The following CTNNA3 variants were observed in gnomAD, a reference collection of about 807,000 sequenced individuals.
The protein encoded by CTNNA3 is catenin alpha 3.
CTNNA3 carries 76 observed loss-of-function variants against 95.7 expected under a neutral mutation model. The observed-to-expected ratio is 0.79, with a 90% CI of 0.66 to 0.96. CTNNA3 has a LOEUF of 0.96. CTNNA3 is among the 40% of genes least tolerant of loss of function. The probability of loss-of-function intolerance (pLI) is 0.00; values close to 1 mark genes in which losing one functional copy is unlikely to be tolerated. For synonymous variants in CTNNA3, 431 were observed against 374.4 expected, an observed-to-expected ratio of 1.15 and a Z score of -1.74; for missense variants, 1,191 against 1,089.8, an observed-to-expected ratio of 1.09 and a Z score of -1.31.
chr10:67,250,131 C>T (rs1866049604), intron 5 of CTNNA3, among the ~76,000 whole-genome samples: 1 of 152,108 alleles, frequency 6.6e-6, no homozygotes, highest in Admixed American at 6.6e-5. Flanking sequence ...TTGAGCTGCA[C>T]AGGTCCACTT....
intron 13 of CTNNA3, among the ~76,000 whole-genome samples, chr10:66,184,028 A>G (rs1315280685): frequency 6.6e-6 from 1 of 152,172 alleles, no homozygotes; most frequent in East Asian, 1.9e-4. Flanking sequence ...TTATAAAAGA[A>G]AATTTTACGG....
At chr10:66,077,661 T>C (rs1285819018) in intron 14 of CTNNA3, among the ~76,000 whole-genome samples, 1 of 151,596 alleles carries the variant, frequency 6.6e-6, no homozygotes, top group Non-Finnish European at 1.5e-5. Flanking sequence ...TAAACCTTTC[T>C]CCAAAAAGAA....
intron 12 of CTNNA3, among the ~76,000 whole-genome samples, chr10:66,299,028 C>T (rs1437641814): frequency 2.0e-5 from 3 of 152,080 alleles, no homozygotes; most frequent in Non-Finnish European, 4.4e-5. Flanking sequence ...TAATCAGAAA[C>T]TCAAAAGAAT....
intron 1 of CTNNA3, among the ~76,000 whole-genome samples, chr10:67,657,123 A>T (rs1334797662): frequency 6.6e-6 from 1 of 152,188 alleles, no homozygotes; most frequent in Non-Finnish European, 1.5e-5. Flanking sequence ...TTCATGAAAG[A>T]TTAAACATAG....
intron 15 of CTNNA3, among the ~76,000 whole-genome samples, chr10:66,060,660 G>C (rs1016913299): frequency 2.6e-5 from 4 of 152,034 alleles, no homozygotes; most frequent in Admixed American, 2.0e-4. Flanking sequence ...GATGAAGAGA[G>C]GGACTGAAAA....
In CTNNA3 at chr10:66,855,546, T is replaced by G. The variant is rs112149863; in HGVS notation, c.1048-80022A>C. ...AGTCTCCTGTTTGTCCAAAGACCCA[T>G]TTAGCACCAAACAGGACCCAACACA... On this transcript the variant is annotated intron_variant, in intron 7 of 17. Coordinates refer to ENST00000433211, the MANE Select transcript of CTNNA3 (RefSeq NM_013266.4). 6.2e-3 allele frequency among the ~76,000 whole-genome samples: 943 copies of G among 152,036 alleles called. 11 individuals carry two copies. Among genetic ancestry groups the G allele is most frequent in the African/African-American group, 0.021 (888 of 41,510 alleles).
chr10:67,271,626 CCTCT>C (rs1589112773), intron 5 of CTNNA3, among the ~76,000 whole-genome samples: 1 of 152,312 alleles, frequency 6.6e-6, no homozygotes, highest in East Asian at 1.9e-4. Flanking sequence ...AACAAGGCCT[CCTCT>C]CTGTCAATTG....
At chr10:66,742,237 A>T (rs577633920) in intron 9 of CTNNA3, among the ~76,000 whole-genome samples, 2 of 152,108 alleles carry the variant, frequency 1.3e-5, no homozygotes, top group African/African-American at 4.8e-5. Flanking sequence ...TTATGGTCGT[A>T]GCTGTGGGAT....
chr10:66,041,965 A>G (rs1330482748), intron 15 of CTNNA3, among the ~76,000 whole-genome samples: 1 of 152,158 alleles, frequency 6.6e-6, no homozygotes, highest in East Asian at 1.9e-4. Flanking sequence ...AACAAATAAC[A>G]TCCTCTACAG....
chr10:66,436,780 T>C (rs2093341247), intron 11 of CTNNA3, among the ~76,000 whole-genome samples: 1 of 152,052 alleles, frequency 6.6e-6, no homozygotes, highest in Admixed American at 6.6e-5. Context: ...TTCTTCACAG[T>C]GCCGATGGTC....
chr10:67,363,273 T>G (rs902384288), intron 5 of CTNNA3, among the ~76,000 whole-genome samples: 2 of 151,956 alleles, frequency 1.3e-5, no homozygotes, highest in South Asian at 2.1e-4. Flanking sequence ...TTTCTGAAAC[T>G]CATATAAAAC....
At chr10:67,198,443 A>G (rs1448162389) in intron 6 of CTNNA3, among the ~76,000 whole-genome samples, 1 of 152,162 alleles carries the variant, frequency 6.6e-6, no homozygotes, top group African/African-American at 2.4e-5. Context: ...TATGAGTCAC[A>G]GTGTGGAAGG....
At chr10:66,916,656 A>C (rs1846508709) in intron 7 of CTNNA3, among the ~76,000 whole-genome samples, 1 of 152,174 alleles carries the variant, frequency 6.6e-6, no homozygotes, top group Admixed American at 6.5e-5. Context: ...AAGTGGAAAA[A>C]TGTCCAAAAA....
At chr10:67,019,826 C>T (rs543398156) in intron 7 of CTNNA3, among the ~76,000 whole-genome samples, 3 of 152,124 alleles carry the variant, frequency 2.0e-5, no homozygotes, top group East Asian at 1.9e-4. Flanking sequence ...AAATTCTAAG[C>T]GTCCGTTTAT....
Position 66,503,560 on chromosome 10 carries a change from C to T in CTNNA3, c.1531+17057G>A, listed in dbSNP as rs186422581. Among the ~76,000 whole-genome samples the T allele has an allele frequency of 1.3e-4, 20 of 152,096 alleles. No homozygotes were observed. In the East Asian group the frequency reaches 3.7e-3, roughly 28 times the overall value. The stretch of plus-strand genomic sequence containing the variant: ...CTCAGCTCACTGTAACCTCTGCCTC[C>T]CGGGTTCAAGCAATTCTGCTGCCTC... On this transcript the variant is annotated intron_variant, in intron 11 of 17. Coordinates refer to ENST00000433211, the MANE Select transcript of CTNNA3 (RefSeq NM_013266.4).
intron 13 of CTNNA3, among the ~76,000 whole-genome samples, chr10:66,111,720 A>G (rs2082126821): frequency 6.6e-6 from 1 of 152,184 alleles, no homozygotes; most frequent in South Asian, 2.1e-4. Flanking sequence ...TGTCAGGCAG[A>G]AGAGAGGAAC....
chr10:66,566,896 C>T (rs1564537510), intron 10 of CTNNA3, among the ~76,000 whole-genome samples: 1 of 149,296 alleles, frequency 6.7e-6, no homozygotes, highest in Non-Finnish European at 1.5e-5. Context: ...ATTTGTAAAA[C>T]ACAAAGAGAG....
chr10:65,974,998 T>C (rs1162141518), intron 16 of CTNNA3, among the ~76,000 whole-genome samples: 3 of 152,198 alleles, frequency 2.0e-5, no homozygotes, highest in Admixed American at 2.0e-4. Flanking sequence ...CTGCTTTTAT[T>C]CAGTAATTAA....
chr10:66,570,906 G>A (rs74722320), intron 10 of CTNNA3, among the ~76,000 whole-genome samples: 2 of 152,036 alleles, frequency 1.3e-5, no homozygotes, highest in Admixed American at 1.3e-4. Flanking sequence ...GATGAAAACA[G>A]TTTTGAGCAA....
Sources: gnomAD v4.1 joint callset for allele counts (sites outside exome capture counted in the v4.1 genomes callset) on GRCh38, gnomAD v4.1.1 for gene constraint, MANE v1.5 for transcripts, NCBI Gene and HGNC (gene_info 2026-07-23, HGNC 2026-07-21) for gene names.